Variants in KIF1C observed in about 807,000 individuals in gnomAD.
The protein encoded by KIF1C is kinesin-like protein KIF1C.
KIF1C carries 61 observed loss-of-function variants against 126.5 expected under a neutral mutation model. That is an observed-to-expected ratio of 0.48 (90% confidence interval 0.39 to 0.60). KIF1C has a LOEUF of 0.60. KIF1C is among the 20% of genes least tolerant of loss of function. The pLI is 0.00. For missense variants in KIF1C, 1,315 were observed against 1,489.2 expected, an observed-to-expected ratio of 0.88 and a Z score of 1.93; for synonymous variants, 640 against 580.6, an observed-to-expected ratio of 1.10 and a Z score of -1.47.
At position 5,007,560 on chromosome 17, in the gene KIF1C, C is replaced by T. The variant is rs774219917; in HGVS notation, c.1491+18C>T. ...CAAAGAAGGTGAGTGAGGAATCGAG[C>T]GAGGAGGCCTAGAGAGCTCTCTGGA... On this transcript the variant is annotated intron_variant, in intron 16 of 22. Coordinates refer to ENST00000320785, the MANE Select transcript of KIF1C (RefSeq NM_006612.6). 2.7e-5 allele frequency: 41 copies of T among 1,535,964 alleles called. No homozygotes were observed. The Middle Eastern group carries it at 5.4e-4, about 20-fold the overall frequency.
rs1467789736 is a variant in KIF1C at position 5,004,862 on chromosome 17, G to A, written c.1027G>A (p.Asp343Asn). 11 of 1,614,076 alleles carry A rather than the reference G, an allele frequency of 6.8e-6. No homozygotes were observed. The highest frequency in any genetic ancestry group is 8.5e-6 in the Non-Finnish European group (10 of 1,180,042). The change falls in exon 13 of 23, where the codon GAC (aspartate) becomes AAC (asparagine). Residue 343 changes from aspartate to asparagine, a missense_variant. Around this residue, in one of 2 missense-constraint regions of KIF1C, gnomAD observed 874 missense variants for 1,053.2 expected, o/e 0.83. Transcript: ENST00000320785. ...TGCTCCTCTGTCACCCAGGTATGCT[G>A]ACCGCACCAAGCAAATCCGCTGCAA... ...EETLSTLRYA[D>N]RTKQIRCNAI... is the part of the protein sequence containing the mutation.
At chr17:5,015,271 CT>C (rs773654219) in intron 18 of KIF1C, among the ~76,000 whole-genome samples, 25 of 151,750 alleles carry the variant, frequency 1.6e-4, no homozygotes, top group Non-Finnish European at 3.2e-4. Flanking sequence ...ATTTCTTTTT[CT>C]TTTTCTTTTT....
chr17:5,007,881 A>G (rs189185651), intron 16 of KIF1C, among the ~76,000 whole-genome samples: 19 of 152,330 alleles, frequency 1.2e-4, no homozygotes, highest in African/African-American at 4.3e-4. Context: ...CAGAAGGATA[A>G]CTTGGGAAGA....
rs1453502889 is a variant in KIF1C at position 5,022,410 on chromosome 17, C to T, written c.2329C>T (p.Leu777Phe). 1 of 1,579,448 alleles carries T rather than the reference C, an allele frequency of 6.3e-7. No homozygotes were observed. Among genetic ancestry groups the T allele is most frequent in the Admixed American group, 1.8e-5 (1 of 54,508 alleles). ...GRAEIEALAA[L>F]KMRELCRTYG... ...GGCTGAGATTGAGGCCCTGGCCGCCCTCAAGATGCGGGAGCTGTGTCGCAC... is the reference window on the plus strand; with the variant it reads ...GGCTGAGATTGAGGCCCTGGCCGCCTTCAAGATGCGGGAGCTGTGTCGCAC... The change falls in exon 22 of 23, where the codon CTC becomes TTC. Residue 777 changes from leucine (L) to phenylalanine (F), a missense_variant. Coordinates refer to ENST00000320785, the MANE Select transcript of KIF1C (RefSeq NM_006612.6). The surrounding 1 kb of genome is among the most constrained non-coding windows in gnomAD (Gnocchi z 4.9).
At chr17:5,005,325 T>G (rs1597846946) in intron 13 of KIF1C, among the ~76,000 whole-genome samples, 1 of 152,260 alleles carries the variant, frequency 6.6e-6, no homozygotes, top group South Asian at 2.1e-4. Context: ...GGCTACTGGG[T>G]GACTTTCTTG....
chr17:5,013,712 C>T lies in KIF1C; in HGVS notation c.1551C>T (p.His517=). The change falls in exon 17 of 23, where the codon CAC becomes CAT. Residue 517 remains histidine (H), a synonymous_variant. Transcript: ENST00000320785. ...DPLMSECLLY[H]IKDGVTRVGQ... ...TGATGTCTGAGTGTCTGCTCTACCA[C>T]ATCAAAGATGGCGTCACCAGGTAGC... The T allele has an allele frequency of 6.2e-7, 1 of 1,613,826 alleles. No homozygotes were observed. The highest frequency in any genetic ancestry group is 8.5e-7 in the Non-Finnish European group (1 of 1,179,758).
In KIF1C at chr17:5,001,394, T is replaced by C. The variant is rs1383923359; in HGVS notation, c.356T>C (p.Val119Ala). 1.9e-6 allele frequency: 3 copies of C among 1,613,744 alleles called. No homozygotes were observed. The highest frequency in any genetic ancestry group is 2.5e-6 in the Non-Finnish European group (3 of 1,179,894). ...GRQEPGQQGI[V>A]PQLCEDLFSR... ...CAGGAGCCAGGGCAGCAGGGCATCG[T>C]GCCCCAGGTACGCCTAGGACCTGGT... The change falls in exon 5 of 23, where the codon GTG (valine) becomes GCG (alanine). Residue 119 changes from valine to alanine, a missense_variant. Around this residue, in one of 2 missense-constraint regions of KIF1C, gnomAD observed 874 missense variants for 1,053.2 expected, o/e 0.83. Transcript: ENST00000320785.
chr17:5,007,410 G>A, intron 15 of KIF1C, 57 bp from the exon 16 acceptor site: 3 of 1,611,438 alleles, frequency 1.9e-6, no homozygotes, highest in Non-Finnish European at 2.5e-6. Context: ...GCCCCACAGG[G>A]AAGGAGGTCA....
chr17:5,000,730 C>G, intron 3 of KIF1C, 42 bp from the exon 4 acceptor site: 1 of 1,588,780 alleles, frequency 6.3e-7, no homozygotes, highest in Non-Finnish European at 8.6e-7. Context: ...CTGGGAATAC[C>G]TGACCTTGAC....
At chr17:5,008,317 A>G (rs780454818) in intron 16 of KIF1C, among the ~76,000 whole-genome samples, 2 of 152,220 alleles carry the variant, frequency 1.3e-5, no homozygotes, top group Non-Finnish European at 1.5e-5. Context: ...ATAGACAGCC[A>G]GCACCGCTGT....
At chr17:5,018,441 C>T (rs384398) in intron 18 of KIF1C, among the ~76,000 whole-genome samples, 3 of 151,862 alleles carry the variant, frequency 2.0e-5, no homozygotes, top group East Asian at 1.9e-4. Flanking sequence ...CCAAGGCGGG[C>T]GGATCACCTG....
At position 5,022,060 on chromosome 17, in the gene KIF1C, C is replaced by A; in HGVS notation, c.2011-32C>A. ...ACACATGGGCTCTGGATGTCCTTAGCCCTCTCTTCCTCTTTCTTTCTCTGG... is the reference window on the plus strand; with the variant it reads ...ACACATGGGCTCTGGATGTCCTTAGACCTCTCTTCCTCTTTCTTTCTCTGG... On this transcript the variant is annotated intron_variant, in intron 21 of 22. Coordinates refer to ENST00000320785, the MANE Select transcript of KIF1C (RefSeq NM_006612.6). This position sits in a 1 kb window ranked among gnomAD's most constrained non-coding sequence, Gnocchi z 4.9. The A allele has an allele frequency of 6.4e-7, 1 of 1,567,422 alleles. No individual in the cohort carries two copies. The highest frequency in any genetic ancestry group is 8.7e-7 in the Non-Finnish European group (1 of 1,154,818).
chr17:5,009,392 G>A (rs1043805935), intron 16 of KIF1C, among the ~76,000 whole-genome samples: 4 of 151,970 alleles, frequency 2.6e-5, no homozygotes, highest in Non-Finnish European at 5.9e-5. Context: ...GTTGGCCGGA[G>A]TGGTCTTGAA....
chr17:5,001,453 C>T, intron 5 of KIF1C, 52 bp downstream of exon 5: 2 of 1,554,006 alleles, frequency 1.3e-6, no homozygotes, highest in Non-Finnish European at 8.8e-7. Flanking sequence ...TTTAGCTGCC[C>T]TCTGAGGAAG....
rs1051331616 is a variant in KIF1C at position 5,025,382 on chromosome 17, G to A, written c.*1231G>A. 2.6e-5 allele frequency: 4 copies of A among 152,224 alleles called. No homozygotes were observed. The highest frequency in any genetic ancestry group is 9.7e-5 in the African/African-American group (4 of 41,446). 9.4% of individuals were successfully genotyped at this position (152,224 alleles called of 1,614,324 possible). A position where few individuals can be genotyped will look rare whatever the true frequency, so the allele number is the denominator to read the frequency against. On this transcript the variant is annotated 3_prime_UTR_variant, in exon 23 of 23. Coordinates refer to ENST00000320785, the MANE Select transcript of KIF1C (RefSeq NM_006612.6). ...TTAAGTCACCTAACTTACTTGAAAG[G>A]TCTCCCAAGCAGCCAGTTTCTCTTG... is the stretch of plus-strand genomic sequence containing the variant.
Position 5,025,964 on chromosome 17 carries a change from C to A in KIF1C, c.*1813C>A, listed in dbSNP as rs1975202022. 1 of 152,152 alleles carries A rather than the reference C, an allele frequency of 6.6e-6. No homozygotes were observed. The highest frequency in any genetic ancestry group is 6.6e-5 in the Admixed American group (1 of 15,256). 9.4% of individuals were successfully genotyped at this position (152,152 alleles called of 1,614,324 possible). On this transcript the variant is annotated 3_prime_UTR_variant, in exon 23 of 23. Transcript: ENST00000320785. Reference sequence around the variant, plus strand: ...CTTTGGCTTGCCAGACTCTGGAGTCCCCACATTTTCATCCTGTTCTCAGGA... The same window carrying A: ...CTTTGGCTTGCCAGACTCTGGAGTCACCACATTTTCATCCTGTTCTCAGGA...
rs752881051 is a variant in KIF1C at position 5,024,196 on chromosome 17, A to T, written c.*45A>T. ...GGGCCTGGTGGGGCCCCTTGCTAGG[A>T]GAAGGGAAGACGCCCGAGACGCTGC... On this transcript the variant is annotated 3_prime_UTR_variant, in exon 23 of 23. Transcript: ENST00000320785. 4 of 1,386,606 alleles carry T rather than the reference A, an allele frequency of 2.9e-6. No individual in the cohort carries two copies. The African/African-American group carries it at 6.4e-5, about 22-fold the overall frequency. 85.9% of individuals were successfully genotyped at this position (1,386,606 alleles called of 1,614,324 possible).
intron 9 of KIF1C, 21 bp downstream of exon 9, chr17:5,003,710 G>C: frequency 4.4e-6 from 7 of 1,606,614 alleles, no homozygotes; most frequent in Non-Finnish European, 6.0e-6. Context: ...TTCAGAGGGT[G>C]GTTTGTTGTG....
chr17:5,012,702 C>T (rs2143350492), intron 16 of KIF1C, among the ~76,000 whole-genome samples: 1 of 152,086 alleles, frequency 6.6e-6, no homozygotes, highest in African/African-American at 2.4e-5. Flanking sequence ...CAGGGTGGTG[C>T]CGAGGGATGG....
Sources: gnomAD v4.1 joint callset for allele counts (sites outside exome capture counted in the v4.1 genomes callset) on GRCh38, gnomAD v4.1.1 for gene constraint, gnomAD v4.1.1 regional missense constraint, Gnocchi (gnomAD v3.1) non-coding constraint, MANE v1.5 for transcripts, NCBI Gene and HGNC (gene_info 2026-07-23, HGNC 2026-07-21) for gene names.